SNTG2: variants seen among roughly 807,000 people sequenced by gnomAD.
The protein encoded by SNTG2 is syntrophin gamma 2, also known as gamma-2-syntrophin.
Under a neutral mutation model 70.9 loss-of-function variants are expected in SNTG2, and 74 were observed. The observed-to-expected ratio is 1.04, with a 90% confidence interval of 0.86 to 1.27. SNTG2 has a LOEUF of 1.27. Ranked by LOEUF, SNTG2 falls within the 50% of genes most tolerant of loss-of-function variation. SNTG2 has a pLI of 0.00. For synonymous variants in SNTG2, 278 were observed against 273.8 expected (o/e 1.02, Z -0.15); for missense variants, 717 against 690.7 (o/e 1.04, Z -0.43).
chr2:1,200,826 A>G (rs1673230968), intron 8 of SNTG2, among the ~76,000 whole-genome samples: 1 of 152,044 alleles, frequency 6.6e-6, no homozygotes, highest in Non-Finnish European at 1.5e-5. Context: ...GGAAATGAAA[A>G]TCAAAATCAT....
intron 1 of SNTG2, among the ~76,000 whole-genome samples, chr2:980,326 T>C (rs1031129576): frequency 2.0e-5 from 3 of 152,174 alleles, no homozygotes; most frequent in Non-Finnish European, 4.4e-5. Context: ...CGAGAAAGAA[T>C]AAGCATCCTT....
chr2:1,350,161 C>T (rs923567082), intron 16 of SNTG2, among the ~76,000 whole-genome samples: 13 of 152,162 alleles, frequency 8.5e-5, no homozygotes, highest in African/African-American at 2.7e-4. Flanking sequence ...CCCCTCCCTG[C>T]GATGCCTATT....
At chr2:972,357 A>T (rs7607023) in intron 1 of SNTG2, among the ~76,000 whole-genome samples, 64,225 of 151,978 alleles carry the variant, frequency 0.42, 14,177 homozygotes, top group Middle Eastern at 0.51. Flanking sequence ...AGTCTCCTTG[A>T]TGTGAACCCT....
At chr2:987,126 T>C (rs1330235427) in intron 1 of SNTG2, among the ~76,000 whole-genome samples, 1 of 152,204 alleles carries the variant, frequency 6.6e-6, no homozygotes, top group Non-Finnish European at 1.5e-5. Flanking sequence ...AAAACATCCC[T>C]GAAGTGGCAG....
intron 8 of SNTG2, 124 bp downstream of exon 8, chr2:1,173,307 G>A: frequency 2.2e-6 from 2 of 921,944 alleles, no homozygotes; most frequent in South Asian, 3.3e-5. Flanking sequence ...TAGTTTCAGA[G>A]GAAATACTTA....
intron 4 of SNTG2, among the ~76,000 whole-genome samples, chr2:1,100,441 A>G (rs113133743): frequency 0.012 from 1,896 of 152,300 alleles, 36 homozygotes; most frequent in African/African-American, 0.042. Flanking sequence ...CACCGCACCC[A>G]GCCTCTTTTT....
chr2:993,662 A>G (rs1661578897), intron 1 of SNTG2, among the ~76,000 whole-genome samples: 1 of 152,152 alleles, frequency 6.6e-6, no homozygotes, highest in South Asian at 2.1e-4. Context: ...GTATATGAAA[A>G]TTCCAGTTTC....
chr2:1,337,572 A>G (rs1164366145), intron 16 of SNTG2, among the ~76,000 whole-genome samples: 1 of 152,118 alleles, frequency 6.6e-6, no homozygotes, highest in African/African-American at 2.4e-5. Context: ...AAGAGTTCTT[A>G]AATATTCTAG....
chr2:1,316,918 T>C lies in SNTG2; in HGVS notation c.1488+543T>C, dbSNP rs561870071. On this transcript the variant is annotated intron_variant, in intron 16 of 16. Coordinates refer to ENST00000308624, the MANE Select transcript of SNTG2 (RefSeq NM_018968.4). ...GGTTGGGATTCTGGAGCATTGAGCA[T>C]CAGGCCAGCATTGGAGAAGGTTGGG... 1.9e-3 allele frequency among the ~76,000 whole-genome samples: 230 copies of C among 122,208 alleles called. 3 individuals are homozygous for C. Among genetic ancestry groups the C allele is most frequent in the Non-Finnish European group, 3.3e-3 (187 of 57,408 alleles). 80.2% of individuals were successfully genotyped at this position (122,208 alleles called of 152,430 possible).
chr2:961,834 A>G (rs112272137), intron 1 of SNTG2, among the ~76,000 whole-genome samples: 7 of 152,054 alleles, frequency 4.6e-5, no homozygotes, highest in African/African-American at 1.5e-4. Context: ...ACACACTGGT[A>G]TGCACACTTC....
At chr2:1,081,042 C>T (rs995060589) in intron 1 of SNTG2, among the ~76,000 whole-genome samples, 1 of 152,050 alleles carries the variant, frequency 6.6e-6, no homozygotes, top group Non-Finnish European at 1.5e-5. Flanking sequence ...GAGACTGGGA[C>T]CTGGGACCTC....
chr2:1,171,345 T>C (rs1327675696), intron 7 of SNTG2, among the ~76,000 whole-genome samples: 1 of 152,238 alleles, frequency 6.6e-6, no homozygotes, highest in Non-Finnish European at 1.5e-5. Context: ...TTGGATCTGC[T>C]GCCATTAGTC....
intron 8 of SNTG2, 146 bp from the exon 9 acceptor site, chr2:1,208,957 G>C: frequency 2.0e-6 from 2 of 978,282 alleles, no homozygotes; most frequent in East Asian, 5.7e-5. Flanking sequence ...TTTCTTTCCA[G>C]ATCTTTCAGA....
chr2:1,089,689 A>C, intron 2 of SNTG2, among the ~76,000 whole-genome samples: 1 of 152,264 alleles, frequency 6.6e-6, no homozygotes, highest in East Asian at 1.9e-4. Flanking sequence ...GTGTGCACAC[A>C]AAAGCACACT....
At chr2:1,235,794 A>G (rs946472055) in intron 9 of SNTG2, among the ~76,000 whole-genome samples, 1 of 152,226 alleles carries the variant, frequency 6.6e-6, no homozygotes, top group African/African-American at 2.4e-5. Flanking sequence ...CTGAAAGAAT[A>G]AAAGCGTAGA....
chr2:1,260,104 G>T (rs1241654899), intron 13 of SNTG2, among the ~76,000 whole-genome samples: 1 of 152,212 alleles, frequency 6.6e-6, no homozygotes, highest in African/African-American at 2.4e-5. Context: ...AGACAAATAG[G>T]AATATTAAGT....
intron 7 of SNTG2, among the ~76,000 whole-genome samples, chr2:1,168,223 G>A (rs1464989760): frequency 6.9e-6 from 1 of 144,074 alleles, no homozygotes; most frequent in African/African-American, 2.6e-5. Context: ...CCTACAGGCC[G>A]CCCACAGACG....
At chr2:1,069,373 A>T (rs567296917) in intron 1 of SNTG2, among the ~76,000 whole-genome samples, 2 of 152,066 alleles carry the variant, frequency 1.3e-5, no homozygotes, top group African/African-American at 2.4e-5. Flanking sequence ...TCTGATTTAC[A>T]TTCTGAAAGT....
chr2:1,002,551 A>T (rs1197257816), intron 1 of SNTG2, among the ~76,000 whole-genome samples: 1 of 152,152 alleles, frequency 6.6e-6, no homozygotes, highest in Admixed American at 6.5e-5. Context: ...CCACAATGAG[A>T]TACCGCCTTA....
Sources: gnomAD v4.1 joint callset for allele counts (sites outside exome capture counted in the v4.1 genomes callset) on GRCh38, gnomAD v4.1.1 for gene constraint, MANE v1.5 for transcripts, NCBI Gene and HGNC (gene_info 2026-07-23, HGNC 2026-07-21) for gene names.